The following CACNA1C variants were observed in gnomAD, a reference collection of about 807,000 sequenced individuals.
CACNA1C encodes calcium voltage-gated channel subunit alpha1 C, also known as voltage-dependent L-type calcium channel subunit alpha-1C.
CACNA1C carries 30 observed loss-of-function variants against 229.0 expected under a neutral mutation model. The observed-to-expected ratio is 0.13, with a 90% CI of 0.10 to 0.18. CACNA1C has a LOEUF of 0.18. CACNA1C is among the 10% of genes least tolerant of loss of function. CACNA1C has a pLI of 1.00. For synonymous variants in CACNA1C, 1,114 were observed against 1,132.5 expected (o/e 0.98, Z 0.33); for missense variants, 1,658 against 2,845.0 (o/e 0.58, Z 9.49).
intron 3 of CACNA1C, among the ~76,000 whole-genome samples, chr12:2,418,347 G>A (rs1441048034): frequency 6.6e-6 from 1 of 152,204 alleles, no homozygotes; most frequent in East Asian, 1.9e-4. Context: ...AGCAACCACT[G>A]CCATTGGGTT....
At chr12:2,591,241 C>T (rs1227297955) in intron 18 of CACNA1C, among the ~76,000 whole-genome samples, 3 of 151,898 alleles carry the variant, frequency 2.0e-5, no homozygotes, top group African/African-American at 7.3e-5. Flanking sequence ...CAGTACCTGG[C>T]TTTGTTTGAA....
rs183748659 is a variant in CACNA1C at position 2,060,972 on chromosome 12, A to G, written c.49+7361A>G. 5.3e-3 allele frequency among the ~76,000 whole-genome samples: 805 copies of G among 152,324 alleles called. 10 individuals are homozygous for G. The highest frequency in any genetic ancestry group is 0.018 in the African/African-American group (743 of 41,564). ...ATATTCCTTTCTTTCTTCCAAAATAATCTACGTTGGGCTAAAACCTTTCAA... is the reference window on the plus strand; with the variant it reads ...ATATTCCTTTCTTTCTTCCAAAATAGTCTACGTTGGGCTAAAACCTTTCAA... On this transcript the variant is annotated intron_variant, in intron 1 of 46. Coordinates refer to ENST00000399655, the MANE Select transcript of CACNA1C (RefSeq NM_000719.7).
At chr12:2,326,075 CAG>C (rs918752981) in intron 3 of CACNA1C, among the ~76,000 whole-genome samples, 3 of 152,178 alleles carry the variant, frequency 2.0e-5, no homozygotes, top group African/African-American at 7.2e-5. Flanking sequence ...ACCCACATTT[CAG>C]GGGGAGCGTT....
intron 3 of CACNA1C, among the ~76,000 whole-genome samples, chr12:2,322,129 A>G (rs964891716): frequency 6.6e-6 from 1 of 152,226 alleles, no homozygotes. Context: ...TTGTGTGTGC[A>G]CATTGTTTAT....
rs1324826690 is a variant in CACNA1C, at chr12:2,488,504, G to A, written c.916+2242G>A. Among the ~76,000 whole-genome samples the A allele has an allele frequency of 6.6e-6, 1 of 152,194 alleles. No homozygotes were observed. The highest frequency in any genetic ancestry group is 1.5e-5 in the Non-Finnish European group (1 of 68,032). ...AGACTTGGCCTCCCCAATTGGAATG[G>A]CCAATTTAGGATCACATTGTCCACC... On this transcript the variant is annotated intron_variant, in intron 6 of 46. Transcript: ENST00000399655. This position sits in a 1 kb window ranked among gnomAD's most constrained non-coding sequence, Gnocchi z 4.0.
intron 3 of CACNA1C, among the ~76,000 whole-genome samples, chr12:2,198,504 C>T (rs1034075693): frequency 5.3e-5 from 8 of 152,170 alleles, no homozygotes; most frequent in Non-Finnish European, 1.2e-4. Flanking sequence ...AATCTCCGTG[C>T]GGCACCATGT....
chr12:2,482,705 A>G (rs2099681053), intron 5 of CACNA1C, among the ~76,000 whole-genome samples: 1 of 152,156 alleles, frequency 6.6e-6, no homozygotes, highest in Non-Finnish European at 1.5e-5. Flanking sequence ...AGGATGGGGA[A>G]TCACTACCTC....
chr12:1,980,575 T>C (rs2035818586), intron 1 of CACNA1C, among the ~76,000 whole-genome samples: 2 of 151,890 alleles, frequency 1.3e-5, no homozygotes, highest in Admixed American at 6.6e-5. Flanking sequence ...AAGTTTTTAA[T>C]TTGATGAAAT....
intron 1 of CACNA1C, chr12:1,992,156 A>G: frequency 4.8e-6 from 1 of 207,360 alleles, no homozygotes; most frequent in South Asian, 6.1e-5. Flanking sequence ...GAGAAAACAC[A>G]ATATTTTTCT....
intron 13 of CACNA1C, among the ~76,000 whole-genome samples, chr12:2,570,856 A>G (rs764454311): frequency 6.6e-6 from 1 of 152,194 alleles, no homozygotes; most frequent in Non-Finnish European, 1.5e-5. Flanking sequence ...CACGATTAAA[A>G]TCCAGAAGTT....
At chr12:2,441,885 C>G (rs1160097690) in intron 3 of CACNA1C, among the ~76,000 whole-genome samples, 1 of 152,186 alleles carries the variant, frequency 6.6e-6, no homozygotes, top group Non-Finnish European at 1.5e-5. Flanking sequence ...TGGCATTGCT[C>G]TGGTTCAAGA....
chr12:2,442,328 A>AT (rs2099236751), intron 3 of CACNA1C, among the ~76,000 whole-genome samples: 1 of 152,054 alleles, frequency 6.6e-6, no homozygotes, highest in Non-Finnish European at 1.5e-5. Context: ...TCTTCTAAAT[A>AT]TTTCAGACAT....
At chr12:2,324,913 C>T (rs776707774) in intron 3 of CACNA1C, among the ~76,000 whole-genome samples, 2 of 152,150 alleles carry the variant, frequency 1.3e-5, no homozygotes, top group Non-Finnish European at 2.9e-5. Flanking sequence ...TTTCTGTAAG[C>T]TATTTAGTCG....
chr12:1,979,052 C>T (rs2035297959), intron 1 of CACNA1C, among the ~76,000 whole-genome samples: 1 of 152,194 alleles, frequency 6.6e-6, no homozygotes, highest in Admixed American at 6.5e-5. Context: ...CTCTGTCACC[C>T]AGGCTGGAGT....
intron 3 of CACNA1C, among the ~76,000 whole-genome samples, chr12:2,353,109 CGAA>C (rs749585551): frequency 5.3e-5 from 8 of 152,134 alleles, no homozygotes; most frequent in Non-Finnish European, 1.0e-4. Flanking sequence ...GAATTGGCAC[CGAA>C]GCAGGTCAGG....
At chr12:2,577,341 T>C (rs1351067907) in intron 13 of CACNA1C, among the ~76,000 whole-genome samples, 1 of 152,180 alleles carries the variant, frequency 6.6e-6, no homozygotes, top group Non-Finnish European at 1.5e-5. Flanking sequence ...CTGGGACCAG[T>C]GAATTTGAGA....
chr12:2,342,162 T>G (rs995662062), intron 3 of CACNA1C, among the ~76,000 whole-genome samples: 1 of 152,206 alleles, frequency 6.6e-6, no homozygotes, highest in African/African-American at 2.4e-5. Context: ...CCTTGAGCGG[T>G]GTCACCCGAC....
chr12:1,986,428 C>T (rs2037806346), intron 1 of CACNA1C, among the ~76,000 whole-genome samples: 1 of 152,264 alleles, frequency 6.6e-6, no homozygotes, highest in East Asian at 1.9e-4. Context: ...ACAGTCTGTG[C>T]AGCAAAAGAA....
At chr12:2,164,473 A>G (rs944030639) in intron 3 of CACNA1C, among the ~76,000 whole-genome samples, 1 of 152,204 alleles carries the variant, frequency 6.6e-6, no homozygotes, top group Non-Finnish European at 1.5e-5. Context: ...TTCAAATTCA[A>G]AGTTCTGGAA....
Sources: gnomAD v4.1 joint callset for allele counts (sites outside exome capture counted in the v4.1 genomes callset) on GRCh38, gnomAD v4.1.1 for gene constraint, Gnocchi (gnomAD v3.1) non-coding constraint, MANE v1.5 for transcripts, NCBI Gene and HGNC (gene_info 2026-07-23, HGNC 2026-07-21) for gene names.